GGACT: variants seen among roughly 807,000 people sequenced by gnomAD.
GGACT encodes the protein gamma-glutamylaminecyclotransferase.
For missense variants in GGACT, 241 were observed against 233.2 expected (o/e 1.03, Z -0.22); for synonymous variants, 118 against 115.3 (o/e 1.02, Z -0.15).
At chr13:100,567,033 G>A (rs1275558886) in intron 2 of GGACT, among the ~76,000 whole-genome samples, 3 of 152,158 alleles carry the variant, frequency 2.0e-5, no homozygotes, top group Admixed American at 6.5e-5. Context: ...GCTGTCTCCT[G>A]ATTAGATTCG....
At chr13:100,570,100 A>G (rs1400250032) in intron 2 of GGACT, among the ~76,000 whole-genome samples, 1 of 152,024 alleles carries the variant, frequency 6.6e-6, no homozygotes, top group Admixed American at 6.6e-5. Context: ...ACTTTCCCAC[A>G]TTTTACTGTC....
intron 2 of GGACT, among the ~76,000 whole-genome samples, chr13:100,533,102 C>T (rs1007015176): frequency 6.6e-6 from 1 of 152,260 alleles, no homozygotes; most frequent in Non-Finnish European, 1.5e-5. Flanking sequence ...ACAGTCCTGA[C>T]CTGCTGACTG....
chr13:100,542,039 A>C (rs2153013059), intron 2 of GGACT, among the ~76,000 whole-genome samples: 1 of 152,284 alleles, frequency 6.6e-6, no homozygotes, highest in South Asian at 2.1e-4. Context: ...AGATCCTAAC[A>C]GGAAGAAACT....
intron 2 of GGACT, among the ~76,000 whole-genome samples, chr13:100,562,895 A>G (rs539373050): frequency 3.9e-4 from 60 of 152,232 alleles, no homozygotes; most frequent in African/African-American, 1.3e-3. Context: ...AACAACCCCA[A>G]AAAAAGAGCT....
At chr13:100,559,530 G>A (rs1265426800) in intron 2 of GGACT, among the ~76,000 whole-genome samples, 4 of 149,210 alleles carry the variant, frequency 2.7e-5, no homozygotes, top group Non-Finnish European at 4.4e-5. Context: ...AGTCTTGCTC[G>A]GTCGCCGAGG....
At chr13:100,587,738 G>T (rs773915206) in intron 1 of GGACT, among the ~76,000 whole-genome samples, 3 of 152,144 alleles carry the variant, frequency 2.0e-5, no homozygotes, top group Non-Finnish European at 2.9e-5. Context: ...TTTAAAAAAG[G>T]CCACAAATCC....
chr13:100,578,433 G>C (rs1428252234), intron 2 of GGACT, among the ~76,000 whole-genome samples: 1 of 152,242 alleles, frequency 6.6e-6, no homozygotes, highest in Non-Finnish European at 1.5e-5. Context: ...GAAAACCAGT[G>C]AGAGGCAGGT....
intron 2 of GGACT, among the ~76,000 whole-genome samples, chr13:100,564,591 T>C (rs1357870386): frequency 6.6e-6 from 1 of 152,218 alleles, no homozygotes. Context: ...ACCCTTTAAA[T>C]TTCTTATCAT....
At chr13:100,578,509 CG>C (rs1875319763) in intron 2 of GGACT, among the ~76,000 whole-genome samples, 2 of 152,180 alleles carry the variant, frequency 1.3e-5, no homozygotes, top group Non-Finnish European at 2.9e-5. Context: ...TCTTAAGCCC[CG>C]GAACCCTGGT....
chr13:100,586,895 C>T (rs1248058045), intron 1 of GGACT: 3 of 152,194 alleles, frequency 2.0e-5, no homozygotes, highest in Admixed American at 2.0e-4. Context: ...AACACGGCTG[C>T]CTTATCCTGA....
rs189069298 is a variant in GGACT at position 100,560,168 on chromosome 13, C to A, written c.-11+23657G>T. On this transcript the variant is annotated intron_variant, in intron 2 of 2. Transcript: ENST00000683975. ...GATGGACAGGCCTGTATCTTGAATG[C>A]GGTCGTGATTACATGAGTATATATA... Among the ~76,000 whole-genome samples, 6 of 151,962 alleles carry A rather than the reference C, an allele frequency of 3.9e-5. 1 individual carries two copies. The highest frequency in any genetic ancestry group is 1.3e-4 in the Admixed American group (2 of 15,248).
Position 100,532,065 on chromosome 13 carries a change from G to T in GGACT, c.*65C>A. On this transcript the variant is annotated 3_prime_UTR_variant, in exon 3 of 3. Transcript: ENST00000683975. ...CCTGTTCGGCTTCCGCCTTCACCCA[G>T]CATGGGCTGGGCGCATCTTGGAGCC... 2 of 1,230,182 alleles carry T rather than the reference G, an allele frequency of 1.6e-6. No homozygotes were observed. Among genetic ancestry groups the T allele is most frequent in the Non-Finnish European group, 2.2e-6 (2 of 926,764 alleles). 76.2% of individuals were successfully genotyped at this position (1,230,182 alleles called of 1,614,324 possible).
chr13:100,554,733 A>C (rs757550899), intron 2 of GGACT, among the ~76,000 whole-genome samples: 3 of 152,212 alleles, frequency 2.0e-5, no homozygotes, highest in Non-Finnish European at 2.9e-5. Context: ...GAGGGAATTG[A>C]TAAGGCATGT....
chr13:100,558,680 A>G (rs1407332862), intron 2 of GGACT, among the ~76,000 whole-genome samples: 8 of 152,348 alleles, frequency 5.3e-5, no homozygotes, highest in Non-Finnish European at 8.8e-5. Flanking sequence ...ATATATCCAC[A>G]TAAAGACCTG....
intron 2 of GGACT, among the ~76,000 whole-genome samples, chr13:100,575,703 G>T (rs1050514349): frequency 2.6e-5 from 4 of 152,174 alleles, no homozygotes; most frequent in African/African-American, 9.7e-5. Context: ...GGTCGAGGCT[G>T]CTGTGAGCTG....
chr13:100,581,519 A>G (rs4772310), intron 2 of GGACT, among the ~76,000 whole-genome samples: 34,195 of 152,238 alleles, frequency 0.22, 4,090 homozygotes, highest in Non-Finnish European at 0.26. Flanking sequence ...AGTATCTGTG[A>G]GTCCATAATG....
At chr13:100,582,864 C>T (rs1875459070) in intron 2 of GGACT, among the ~76,000 whole-genome samples, 1 of 152,180 alleles carries the variant, frequency 6.6e-6, no homozygotes, top group African/African-American at 2.4e-5. Context: ...ATTTGTCTCC[C>T]ACATAATAGA....
intron 2 of GGACT, among the ~76,000 whole-genome samples, chr13:100,565,643 C>A (rs796199404): frequency 6.6e-6 from 1 of 152,152 alleles, no homozygotes; most frequent in Non-Finnish European, 1.5e-5. Context: ...TTTCTTCTTC[C>A]CCACTCAATT....
intron 2 of GGACT, among the ~76,000 whole-genome samples, chr13:100,571,483 T>G (rs1875080731): frequency 6.6e-6 from 1 of 151,780 alleles, no homozygotes; most frequent in Non-Finnish European, 1.5e-5. Flanking sequence ...TTTTTTAGTT[T>G]TAATTTTAAT....
Sources: gnomAD v4.1 joint callset for allele counts (sites outside exome capture counted in the v4.1 genomes callset) on GRCh38, gnomAD v4.1.1 for gene constraint, MANE v1.5 for transcripts, NCBI Gene and HGNC (gene_info 2026-07-23, HGNC 2026-07-21) for gene names.